Variants in MS4A4E observed in about 807,000 individuals in gnomAD.
The protein encoded by MS4A4E is membrane spanning 4-domains A4E.
A neutral mutation model predicts 13.3 loss-of-function variants in MS4A4E; 23 were observed. The observed-to-expected ratio is 1.73, with a 90% confidence interval of 1.25 to 2.45. The LOEUF is 2.45. Among genes scored for constraint, MS4A4E ranks in the 30% most tolerant of loss-of-function variants. MS4A4E has a pLI of 0.00. For missense variants in MS4A4E, 144 were observed against 131.2 expected (o/e 1.10, Z -0.48); for synonymous variants, 36 against 45.6 (o/e 0.79, Z 0.85).
chr11:60,212,841 T>C (rs2084141206), intron 5 of MS4A4E, among the ~76,000 whole-genome samples, 133 bp downstream of exon 5: 1 of 152,212 alleles, frequency 6.6e-6, no homozygotes, highest in Non-Finnish European at 1.5e-5. Flanking sequence ...GAAAGATTAT[T>C]CTATTTCTCA....
At chr11:60,225,829 C>T (rs1004786384) in intron 3 of MS4A4E, among the ~76,000 whole-genome samples, 1 of 150,722 alleles carries the variant, frequency 6.6e-6, no homozygotes, top group African/African-American at 2.4e-5. Flanking sequence ...AAATTAAAAA[C>T]AGAAAATTAA....
intron 1 of MS4A4E, among the ~76,000 whole-genome samples, chr11:60,241,112 C>T (rs996954593): frequency 2.6e-5 from 4 of 152,204 alleles, no homozygotes; most frequent in Non-Finnish European, 5.9e-5. Context: ...CAAGCTCCGC[C>T]TCCCGGGTTC....
At position 60,200,958 on chromosome 11, in the gene MS4A4E, C is replaced by T. The variant is rs1206332887; in HGVS notation, c.*585G>A. On this transcript the variant is annotated 3_prime_UTR_variant, in exon 9 of 9. Coordinates refer to ENST00000651255, the MANE Select transcript of MS4A4E (RefSeq NM_001393391.1). ...CTCCCTCCCGGACGGGGCGGCTGGCCGGGTGGGGGGCTGAACCCCCCACCT... is the reference window on the plus strand; with the variant it reads ...CTCCCTCCCGGACGGGGCGGCTGGCTGGGTGGGGGGCTGAACCCCCCACCT... Among the ~76,000 whole-genome samples, 7 of 145,144 alleles carry T rather than the reference C, an allele frequency of 4.8e-5. No individual in the cohort carries two copies. Among genetic ancestry groups the T allele is most frequent in the Non-Finnish European group, 1.1e-4 (7 of 65,748 alleles).
At chr11:60,236,439 T>C (rs920538491) in intron 1 of MS4A4E, among the ~76,000 whole-genome samples, 4 of 150,162 alleles carry the variant, frequency 2.7e-5, no homozygotes, top group African/African-American at 9.9e-5. Flanking sequence ...TGAATATGAG[T>C]TTTTTTTCAT....
Position 60,240,447 on chromosome 11 carries a change from CT to C in MS4A4E, c.-17+2510del, listed in dbSNP as rs200027359. 6.5e-3 allele frequency among the ~76,000 whole-genome samples: 988 copies of C among 152,254 alleles called. 10 individuals carry two copies. Among genetic ancestry groups the C allele is most frequent in the African/African-American group, 0.023 (939 of 41,540 alleles). ...GTAGCCTTGGATGTTCAACCCACCC[CT>C]GACTTTGTAGCCAAATGATCAAATG... On this transcript the variant is annotated intron_variant, in intron 1 of 8. Transcript: ENST00000651255.
At chr11:60,219,307 G>C (rs1399258985) in intron 3 of MS4A4E, among the ~76,000 whole-genome samples, 1 of 152,156 alleles carries the variant, frequency 6.6e-6, no homozygotes, top group East Asian at 1.9e-4. Flanking sequence ...ATTGGATCTA[G>C]AGACAGCAGG....
In MS4A4E at chr11:60,207,812, T is replaced by C. The variant is rs758753875; in HGVS notation, c.483+781A>G. On this transcript the variant is annotated intron_variant, in intron 6 of 8. Coordinates refer to ENST00000651255, the MANE Select transcript of MS4A4E (RefSeq NM_001393391.1). ...CTTCCATTCCTCACTTTCCTCTCTCTGTGTAACTTTCTTTTGGCTTAACTG... is the reference window on the plus strand; with the variant it reads ...CTTCCATTCCTCACTTTCCTCTCTCCGTGTAACTTTCTTTTGGCTTAACTG... Among the ~76,000 whole-genome samples the C allele has an allele frequency of 3.9e-5, 6 of 152,194 alleles. No homozygotes were observed. In the South Asian group the frequency reaches 8.3e-4, roughly 21 times the overall value.
chr11:60,233,318 T>G (rs1231404401), intron 1 of MS4A4E, among the ~76,000 whole-genome samples: 1 of 152,136 alleles, frequency 6.6e-6, no homozygotes, highest in Non-Finnish European at 1.5e-5. Context: ...ATTTCAACAG[T>G]AACCTGCTCC....
chr11:60,216,792 C>A (rs1445616464), intron 3 of MS4A4E, among the ~76,000 whole-genome samples: 1 of 151,956 alleles, frequency 6.6e-6, no homozygotes, highest in African/African-American at 2.4e-5. Context: ...AGTTGGTGGA[C>A]TAGGAAAGGG....
chr11:60,237,147 G>A (rs913267262), intron 1 of MS4A4E, among the ~76,000 whole-genome samples: 3 of 152,082 alleles, frequency 2.0e-5, no homozygotes, highest in Non-Finnish European at 4.4e-5. Context: ...CCCTTTATGT[G>A]CCCATGTGTT....
intron 3 of MS4A4E, among the ~76,000 whole-genome samples, chr11:60,214,987 T>C (rs1218964806): frequency 1.3e-5 from 2 of 152,120 alleles, no homozygotes; most frequent in African/African-American, 4.8e-5. Flanking sequence ...TGAAAATATG[T>C]TTAAAAAGTT....
At chr11:60,229,872 C>T (rs760513154) in intron 2 of MS4A4E, 40 bp downstream of exon 2, 1 of 1,557,798 alleles carries the variant, frequency 6.4e-7, no homozygotes, top group South Asian at 1.2e-5. Context: ...TGTGAGTTTA[C>T]AACACTATTG....
At chr11:60,206,431 G>T (rs1341057039) in intron 6 of MS4A4E, among the ~76,000 whole-genome samples, 1 of 135,080 alleles carries the variant, frequency 7.4e-6, no homozygotes, top group Non-Finnish European at 1.6e-5. Flanking sequence ...TGAGTTCCAG[G>T]GGAAAAAATG....
At chr11:60,235,296 T>C (rs1239033236) in intron 1 of MS4A4E, among the ~76,000 whole-genome samples, 1 of 152,224 alleles carries the variant, frequency 6.6e-6, no homozygotes, top group Non-Finnish European at 1.5e-5. Context: ...TTTTGCCATG[T>C]TGCCCAGGCT....
Position 60,220,119 on chromosome 11 carries a change from T to C in MS4A4E, c.179-5505A>G, listed in dbSNP as rs141693323. The stretch of plus-strand genomic sequence containing the variant: ...TAAATCAACAACAATATCCCATCCC[T>C]GAAGGGATTGCAGACATTAGTGCCA... On this transcript the variant is annotated intron_variant, in intron 3 of 8. Transcript: ENST00000651255. Among the ~76,000 whole-genome samples the C allele has an allele frequency of 8.5e-5, 13 of 152,298 alleles. No homozygotes were observed. In the East Asian group the frequency reaches 2.5e-3, roughly 29 times the overall value.
intron 5 of MS4A4E, among the ~76,000 whole-genome samples, chr11:60,210,191 A>T (rs577298674): frequency 6.6e-6 from 1 of 152,376 alleles, no homozygotes; most frequent in African/African-American, 2.4e-5. Context: ...TTTCAATAAA[A>T]CTTTATTTAC....
chr11:60,203,908 T>C (rs1033228017), intron 8 of MS4A4E, among the ~76,000 whole-genome samples: 7 of 152,194 alleles, frequency 4.6e-5, no homozygotes, highest in Non-Finnish European at 1.0e-4. Flanking sequence ...AATTGCATGA[T>C]ATGAAATAAA....
At chr11:60,213,958 G>A (rs1268042693) in intron 4 of MS4A4E, among the ~76,000 whole-genome samples, 2 of 151,480 alleles carry the variant, frequency 1.3e-5, no homozygotes, top group African/African-American at 2.4e-5. Flanking sequence ...AGGCTGAAGT[G>A]CAGTGGCACA....
intron 6 of MS4A4E, among the ~76,000 whole-genome samples, chr11:60,206,433 G>GA (rs1008528045): frequency 2.2e-5 from 3 of 136,510 alleles, no homozygotes; most frequent in African/African-American, 8.6e-5. Context: ...AGTTCCAGGG[G>GA]AAAAAATGAG....
Sources: allele counts gnomAD v4.1 joint callset (sites outside exome capture counted in the v4.1 genomes callset), GRCh38; gene constraint gnomAD v4.1.1; transcripts MANE v1.5; gene names NCBI Gene and HGNC (gene_info 2026-07-23, HGNC 2026-07-21).